SPACA1: variants seen among roughly 807,000 people sequenced by gnomAD.
The protein encoded by SPACA1 is sperm acrosome associated 1, also known as sperm acrosome membrane-associated protein 1.
In SPACA1, 17 loss-of-function variants were observed where a neutral mutation model predicts 32.6. The observed-to-expected ratio is 0.52, with a 90% CI of 0.36 to 0.78. The LOEUF (loss-of-function observed/expected upper bound fraction) is 0.78. Ranked by LOEUF, SPACA1 falls within the 30% of genes least tolerant of loss-of-function variation. SPACA1 has a pLI of 0.01. For synonymous variants in SPACA1, 140 were observed against 138.1 expected (o/e 1.01, Z -0.10); for missense variants, 363 against 373.4 (o/e 0.97, Z 0.23).
At chr6:88,057,332 A>G (rs566471048) in intron 2 of SPACA1, among the ~76,000 whole-genome samples, 15 of 152,302 alleles carry the variant, frequency 9.8e-5, no homozygotes, top group Non-Finnish European at 1.9e-4. Context: ...CTTTAATTTC[A>G]TTTGATGTAA....
intron 2 of SPACA1, among the ~76,000 whole-genome samples, chr6:88,056,455 T>G (rs1775808605): frequency 6.6e-6 from 1 of 152,226 alleles, no homozygotes; most frequent in Non-Finnish European, 1.5e-5. Flanking sequence ...TTCCATTTTC[T>G]TGTTTCGTAT....
intron 5 of SPACA1, 96 bp downstream of exon 5, chr6:88,059,684 T>C: frequency 1.1e-5 from 13 of 1,209,258 alleles, no homozygotes; most frequent in South Asian, 3.8e-5. Flanking sequence ...TCTCTAGCCC[T>C]CCCCCCAGAG....
chr6:88,066,108 T>C (rs989883049), intron 6 of SPACA1, 74 bp from the exon 7 acceptor site: 35 of 1,228,126 alleles, frequency 2.8e-5, no homozygotes, highest in Non-Finnish European at 3.8e-5. Flanking sequence ...TTTCTATACA[T>C]AGAAAATATA....
At position 88,048,021 on chromosome 6, in the gene SPACA1, C is replaced by T. The variant is rs748761136; in HGVS notation, c.116C>T (p.Ala39Val). 1 of 1,596,784 alleles carries T rather than the reference C, an allele frequency of 6.3e-7. No homozygotes were observed. Among genetic ancestry groups the T allele is most frequent in the Admixed American group, 1.8e-5 (1 of 56,646 alleles). Residue 39 changes from alanine (A) to valine (V), a missense_variant, in exon 1 of 7, where the codon GCC (alanine) becomes GTC (valine). Coordinates refer to ENST00000237201, the MANE Select transcript of SPACA1 (RefSeq NM_030960.3). The stretch of plus-strand genomic sequence containing the variant: ...AACGTCACCGCTGCCGTCCAGGATG[C>T]CGGCCTGGCCCACGAAGGCGAGGGC... ...GTNVTAAVQD[A>V]GLAHEGEGEE...
chr6:88,048,165 C>T, intron 1 of SPACA1, 52 bp downstream of exon 1: 1 of 1,505,384 alleles, frequency 6.6e-7, no homozygotes, highest in Admixed American at 2.0e-5. Context: ...GTTGACGGAG[C>T]AAAGGCCTGC....
chr6:88,060,954 A>G (rs72918118), intron 5 of SPACA1, among the ~76,000 whole-genome samples: 5,628 of 152,310 alleles, frequency 0.037, 127 homozygotes, highest in Non-Finnish European at 0.055. Context: ...CAGTCCAGGA[A>G]TGGTGGGATA....
At chr6:88,047,553 A>C (rs1367420110), upstream of SPACA1, among the ~76,000 whole-genome samples, 1 of 152,214 alleles carries the variant, frequency 6.6e-6, no homozygotes, top group East Asian at 1.9e-4. Context: ...GTCGCTCCAT[A>C]AACTGAGGCA....
intron 6 of SPACA1, among the ~76,000 whole-genome samples, chr6:88,064,689 CA>C (rs1775951202): frequency 1.3e-5 from 2 of 150,528 alleles, no homozygotes; most frequent in African/African-American, 4.9e-5. Context: ...ATAATGAATA[CA>C]AAGGCACTTC....
intron 1 of SPACA1, among the ~76,000 whole-genome samples, chr6:88,051,626 T>C (rs1731133311): frequency 6.6e-6 from 1 of 152,234 alleles, no homozygotes; most frequent in Admixed American, 6.5e-5. Context: ...TTGATTCCTA[T>C]TGAATTCACT....
intron 1 of SPACA1, among the ~76,000 whole-genome samples, chr6:88,050,087 T>C (rs1775706826): frequency 6.6e-6 from 1 of 152,216 alleles, no homozygotes; most frequent in Non-Finnish European, 1.5e-5. Context: ...ATCTTTTCTT[T>C]CAGTCACCTT....
chr6:88,052,426 T>C (rs547680132), intron 1 of SPACA1, among the ~76,000 whole-genome samples: 1 of 152,372 alleles, frequency 6.6e-6, no homozygotes, highest in South Asian at 2.1e-4. Context: ...TATCTAAGCA[T>C]TCCACAATTC....
rs1775982638 is a variant in SPACA1, at chr6:88,066,201, T to C, written c.751T>C (p.Trp251Arg). 1 of 1,591,436 alleles carries C rather than the reference T, an allele frequency of 6.3e-7. No individual in the cohort carries two copies. The highest frequency in any genetic ancestry group is 8.6e-7 in the Non-Finnish European group (1 of 1,167,468). The part of the protein sequence containing the change: ...IINWAAVKAF[W>R]GAKASTPEVQ... ...TTCCAGGGCAGCAGTCAAGGCTTTC[T>C]GGGGGGCAAAAGCCTCTACACCTGA... Residue 251 changes from tryptophan to arginine, a missense_variant, in exon 7 of 7, where the codon TGG becomes CGG. Coordinates refer to ENST00000237201, the MANE Select transcript of SPACA1 (RefSeq NM_030960.3).
chr6:88,063,115 C>A (rs1471406890), intron 5 of SPACA1, among the ~76,000 whole-genome samples: 2 of 152,132 alleles, frequency 1.3e-5, no homozygotes, highest in Non-Finnish European at 2.9e-5. Context: ...TTTATAAAAC[C>A]TGTACAGTCA....
At chr6:88,052,649 C>T (rs1367336873) in intron 1 of SPACA1, among the ~76,000 whole-genome samples, 1 of 152,024 alleles carries the variant, frequency 6.6e-6, no homozygotes, top group Non-Finnish European at 1.5e-5. Context: ...CCAGCCTGGC[C>T]AACATGGTGA....
At chr6:88,050,508 TTTCTTC>T (rs1466418313) in intron 1 of SPACA1, among the ~76,000 whole-genome samples, 9 of 152,242 alleles carry the variant, frequency 5.9e-5, no homozygotes, top group Admixed American at 3.9e-4. Flanking sequence ...CTCTGTCAGT[TTTCTTC>T]TCTTTGCCAT....
chr6:88,063,006 A>G (rs1775919297), intron 5 of SPACA1, among the ~76,000 whole-genome samples: 1 of 152,322 alleles, frequency 6.6e-6, no homozygotes, highest in East Asian at 1.9e-4. Flanking sequence ...ATAAAAGGAA[A>G]CATTGAATAA....
intron 5 of SPACA1, among the ~76,000 whole-genome samples, chr6:88,060,487 G>T (rs959162845): frequency 1.3e-5 from 2 of 152,118 alleles, no homozygotes; most frequent in Non-Finnish European, 2.9e-5. Flanking sequence ...TAAAGATACC[G>T]CACAACGTAA....
At chr6:88,049,042 T>C (rs1386151028) in intron 1 of SPACA1, among the ~76,000 whole-genome samples, 1 of 152,218 alleles carries the variant, frequency 6.6e-6, no homozygotes, top group Non-Finnish European at 1.5e-5. Context: ...ATAGTGATCC[T>C]CAGCACCAAC....
At chr6:88,064,887 T>C (rs1320772227) in intron 6 of SPACA1, among the ~76,000 whole-genome samples, 4 of 148,022 alleles carry the variant, frequency 2.7e-5, no homozygotes, top group Non-Finnish European at 5.9e-5. Flanking sequence ...ATATATAATA[T>C]ACATGAGTAT....
Sources: allele counts gnomAD v4.1 joint callset (sites outside exome capture counted in the v4.1 genomes callset), GRCh38; gene constraint gnomAD v4.1.1; transcripts MANE v1.5; gene names NCBI Gene and HGNC (gene_info 2026-07-23, HGNC 2026-07-21).